The following RXFP2 variants were observed in gnomAD, a reference collection of about 807,000 sequenced individuals.
The protein encoded by RXFP2 is relaxin receptor 2.
Under a neutral mutation model 88.6 loss-of-function variants are expected in RXFP2, and 68 were observed. That is an observed-to-expected ratio of 0.77 (90% CI 0.63 to 0.94). RXFP2 has a LOEUF of 0.94. RXFP2 is among the 40% of genes least tolerant of loss of function. The pLI is 0.00. For missense variants in RXFP2, 791 were observed against 893.9 expected, an observed-to-expected ratio of 0.88 and a Z score of 1.47; for synonymous variants, 329 against 306.8, an observed-to-expected ratio of 1.07 and a Z score of -0.76.
intron 13 of RXFP2, among the ~76,000 whole-genome samples, chr13:31,788,363 A>C (rs1873648137): frequency 6.6e-6 from 1 of 152,188 alleles, no homozygotes. Context: ...CAAAATAAAC[A>C]TTAAAAGCAA....
intron 2 of RXFP2, 73 bp from the exon 3 acceptor site, chr13:31,761,651 C>T (rs1872306789): frequency 2.0e-6 from 2 of 982,744 alleles, no homozygotes; most frequent in Non-Finnish European, 3.3e-6. Context: ...AAAATCATTA[C>T]CAAATTGTTA....
intron 16 of RXFP2, among the ~76,000 whole-genome samples, chr13:31,796,119 G>C (rs1255349002): frequency 3.0e-5 from 4 of 131,880 alleles, no homozygotes; most frequent in Non-Finnish European, 6.2e-5. Flanking sequence ...GCGCAATCTC[G>C]GCTCACTGCA....
intron 5 of RXFP2, among the ~76,000 whole-genome samples, chr13:31,770,392 G>T (rs1413801526): frequency 6.6e-6 from 1 of 151,752 alleles, no homozygotes; most frequent in Non-Finnish European, 1.5e-5. Flanking sequence ...TCATTTTTTG[G>T]CATTTCTCAA....
rs1190524458 is a variant in RXFP2, at chr13:31,802,647, T to C, written c.*242T>C. 2 of 515,500 alleles carry C rather than the reference T, an allele frequency of 3.9e-6. No homozygotes were observed. Among genetic ancestry groups the C allele is most frequent in the African/African-American group, 1.9e-5 (1 of 52,040 alleles). 31.9% of individuals were successfully genotyped at this position (515,500 alleles called of 1,614,324 possible). A position where few individuals can be genotyped will look rare whatever the true frequency, so the allele number is the denominator to read the frequency against. On this transcript the variant is annotated 3_prime_UTR_variant, in exon 18 of 18. Transcript: ENST00000298386. ...TGCCTGAAAAGCACATGTGAATTCG[T>C]GTATAGTGGGCTGAGGTGCAGCTGA...
intron 5 of RXFP2, among the ~76,000 whole-genome samples, chr13:31,768,691 T>C (rs1477589768): frequency 1.1e-4 from 16 of 152,192 alleles, no homozygotes; most frequent in Admixed American, 4.6e-4. Context: ...AAGTTCTTTA[T>C]ACTCAAATAT....
intron 1 of RXFP2, among the ~76,000 whole-genome samples, chr13:31,745,174 A>G (rs1871359262): frequency 6.6e-6 from 1 of 152,006 alleles, no homozygotes; most frequent in Non-Finnish European, 1.5e-5. Context: ...CATCTAAAAA[A>G]AAAAAAAGCT....
rs144652367 is a variant in RXFP2, at chr13:31,748,643, T to A, written c.94+8937T>A. 2.8e-4 allele frequency among the ~76,000 whole-genome samples: 42 copies of A among 152,286 alleles called. No homozygotes were observed. In the East Asian group the frequency reaches 7.3e-3, roughly 27 times the overall value. ...GTTAATTACAGACCCTTTGCAAATATCCTCTACTCTGCAGCTTGTCTTTGC... is the reference window on the plus strand; with the variant it reads ...GTTAATTACAGACCCTTTGCAAATAACCTCTACTCTGCAGCTTGTCTTTGC... On this transcript the variant is annotated intron_variant, in intron 1 of 17. Transcript: ENST00000298386.
chr13:31,771,568 A>G (rs1351042690), intron 5 of RXFP2, among the ~76,000 whole-genome samples: 1 of 152,154 alleles, frequency 6.6e-6, no homozygotes, highest in African/African-American at 2.4e-5. Context: ...AGGCAGGTGG[A>G]TCTGTTGAGG....
At chr13:31,789,596 A>G (rs1873703958) in intron 14 of RXFP2, among the ~76,000 whole-genome samples, 1 of 152,240 alleles carries the variant, frequency 6.6e-6, no homozygotes, top group Non-Finnish European at 1.5e-5. Context: ...AGGTGTTGTT[A>G]CTGTTACTAA....
Position 31,748,937 on chromosome 13 carries a change from C to T in RXFP2, c.94+9231C>T, listed in dbSNP as rs527651933. 1.4e-3 allele frequency among the ~76,000 whole-genome samples: 208 copies of T among 152,278 alleles called. 1 individual carries two copies. Among genetic ancestry groups the T allele is most frequent in the Non-Finnish European group, 2.2e-3 (150 of 68,022 alleles). Reference sequence around the variant, plus strand: ...TCTTGAACCCAGGAAGCAGCAGTTGCAGTGGGCCAAGATCGTGCCACTGCA... The same window carrying T: ...TCTTGAACCCAGGAAGCAGCAGTTGTAGTGGGCCAAGATCGTGCCACTGCA... On this transcript the variant is annotated intron_variant, in intron 1 of 17. Transcript: ENST00000298386.
chr13:31,781,247 G>C (rs1873255595), intron 9 of RXFP2, among the ~76,000 whole-genome samples: 1 of 152,162 alleles, frequency 6.6e-6, no homozygotes, highest in African/African-American at 2.4e-5. Context: ...CCACTTACTA[G>C]CTGTGTGGTC....
intron 1 of RXFP2, among the ~76,000 whole-genome samples, chr13:31,754,358 C>A (rs1871826437): frequency 6.6e-6 from 1 of 152,072 alleles, no homozygotes; most frequent in African/African-American, 2.4e-5. Context: ...TGGTGAAACC[C>A]CATCTCTACT....
At chr13:31,799,432 G>C (rs927331103) in intron 17 of RXFP2, among the ~76,000 whole-genome samples, 1 of 152,020 alleles carries the variant, frequency 6.6e-6, no homozygotes, top group African/African-American at 2.4e-5. Context: ...GGCTGGTCTC[G>C]AACTCCTGAC....
chr13:31,786,523 T>A, intron 12 of RXFP2, 43 bp from the exon 13 acceptor site: 1 of 1,537,482 alleles, frequency 6.5e-7, no homozygotes, highest in Non-Finnish European at 9.0e-7. Flanking sequence ...TAATAATACC[T>A]TCAAACTTCT....
At chr13:31,776,253 C>CA (rs1872972432) in intron 7 of RXFP2, among the ~76,000 whole-genome samples, 1 of 84,384 alleles carries the variant, frequency 1.2e-5, no homozygotes, top group Non-Finnish European at 2.2e-5. Flanking sequence ...CTCTTTCCTT[C>CA]TTTTTTTTTT....
chr13:31,759,410 A>AAAGAGAGAAAGAAAGAAAGAAAGAAAG (rs1872168819), intron 2 of RXFP2, among the ~76,000 whole-genome samples: 1 of 150,246 alleles, frequency 6.7e-6, no homozygotes, highest in African/African-American at 2.4e-5. Flanking sequence ...AGAAAGAAAG[A>AAAGAGAGAAAGAAAGAAAGAAAGAAAG]AAGAAAGAAA....
At position 31,770,083 on chromosome 13, in the gene RXFP2, A is replaced by C. The variant is rs535346230; in HGVS notation, c.497+4056A>C. Among the ~76,000 whole-genome samples, 3 of 152,360 alleles carry C rather than the reference A, an allele frequency of 2.0e-5. No homozygotes were observed. The South Asian group carries it at 6.2e-4, about 32-fold the overall frequency. On this transcript the variant is annotated intron_variant, in intron 5 of 17. Transcript: ENST00000298386. ...ACTGCTTGATCAATGCCCAGTAGACATGTAACAATGTTTATCACATAGTTT... is the reference window on the plus strand; with the variant it reads ...ACTGCTTGATCAATGCCCAGTAGACCTGTAACAATGTTTATCACATAGTTT...
intron 1 of RXFP2, among the ~76,000 whole-genome samples, chr13:31,748,267 G>A (rs766110771): frequency 9.2e-5 from 14 of 152,108 alleles, no homozygotes; most frequent in African/African-American, 2.4e-4. Context: ...CTACTGACTC[G>A]TAGGGTTTGC....
chr13:31,777,274 G>C (rs1171174472), intron 7 of RXFP2, 102 bp from the exon 8 acceptor site: 1 of 778,544 alleles, frequency 1.3e-6, no homozygotes, highest in African/African-American at 1.7e-5. Context: ...GGTGAGCCAA[G>C]TATGGAAGCA....
Sources: allele counts gnomAD v4.1 joint callset (sites outside exome capture counted in the v4.1 genomes callset), GRCh38; gene constraint gnomAD v4.1.1; transcripts MANE v1.5; gene names NCBI Gene and HGNC (gene_info 2026-07-23, HGNC 2026-07-21).